The following WDPCP variants were observed in gnomAD, a reference collection of about 807,000 sequenced individuals.
WDPCP encodes WD repeat containing planar cell polarity effector.
A neutral mutation model predicts 93.1 loss-of-function variants in WDPCP; 71 were observed. The ratio of observed to expected loss-of-function variants is 0.76; its 90% CI spans 0.63 to 0.93. The LOEUF (loss-of-function observed/expected upper bound fraction) is 0.93. Among genes scored for constraint, WDPCP ranks in the 40% least tolerant of loss-of-function variants. The pLI, the probability that WDPCP is intolerant of heterozygous loss-of-function variation, is 0.00. For missense variants in WDPCP, 844 were observed against 887.4 expected, an observed-to-expected ratio of 0.95 and a Z score of 0.62; for synonymous variants, 315 against 315.0, an observed-to-expected ratio of 1.00 and a Z score of 0.00.
intron 1 of WDPCP, among the ~76,000 whole-genome samples, chr2:63,493,503 T>C (rs1460475515): frequency 6.6e-6 from 1 of 151,830 alleles, no homozygotes; most frequent in Non-Finnish European, 1.5e-5. Flanking sequence ...CAACTTAGTA[T>C]GTTAATCTGC....
chr2:63,788,957 G>C (rs927791443), intron 2 of WDPCP, among the ~76,000 whole-genome samples: 8 of 152,114 alleles, frequency 5.3e-5, no homozygotes, highest in Non-Finnish European at 1.2e-4. Flanking sequence ...ATGCTGCCCA[G>C]GTTGGTCCTG....
At chr2:63,295,038 A>G (rs1262520794) in intron 13 of WDPCP, among the ~76,000 whole-genome samples, 1 of 152,160 alleles carries the variant, frequency 6.6e-6, no homozygotes, top group African/African-American at 2.4e-5. Flanking sequence ...ATGAAGGAGC[A>G]GAGTTTTTGT....
chr2:63,606,891 C>T (rs758316774), intron 3 of WDPCP: 2 of 1,611,616 alleles, frequency 1.2e-6, no homozygotes, highest in Admixed American at 1.7e-5. Context: ...TTGAAGGTCT[C>T]CCTATTAATG....
At chr2:63,668,530 G>A (rs1194258178) in intron 2 of WDPCP, among the ~76,000 whole-genome samples, 1 of 152,114 alleles carries the variant, frequency 6.6e-6, no homozygotes, top group African/African-American at 2.4e-5. Flanking sequence ...GTAAAACAGG[G>A]TACTGACCAA....
chr2:63,568,448 AT>A (rs1707239748), intron 1 of WDPCP, among the ~76,000 whole-genome samples: 1 of 152,196 alleles, frequency 6.6e-6, no homozygotes, highest in Admixed American at 6.5e-5. Context: ...ACATAGTACT[AT>A]TTGAAACGCT....
chr2:63,792,784 A>T (rs776225525), intron 2 of WDPCP, among the ~76,000 whole-genome samples: 1 of 152,184 alleles, frequency 6.6e-6, no homozygotes, highest in African/African-American at 2.4e-5. Flanking sequence ...AAAGGAATGT[A>T]GGATCAGACC....
intron 6 of WDPCP, among the ~76,000 whole-genome samples, chr2:63,444,316 G>C (rs769869563): frequency 6.6e-6 from 1 of 152,110 alleles, no homozygotes; most frequent in Non-Finnish European, 1.5e-5. Context: ...CAATTAATAA[G>C]CTAATTAATG....
At chr2:63,702,598 G>A (rs1575751704) in intron 2 of WDPCP, among the ~76,000 whole-genome samples, 1 of 151,102 alleles carries the variant, frequency 6.6e-6, no homozygotes, top group Non-Finnish European at 1.5e-5. Flanking sequence ...GAGTGCATTG[G>A]CGCGATTTCG....
intron 3 of WDPCP, chr2:63,642,557 T>G (rs1318195918): frequency 6.6e-6 from 1 of 151,978 alleles, no homozygotes; most frequent in Non-Finnish European, 1.5e-5. Flanking sequence ...ATTTTATTTG[T>G]GGCTATTGTA....
intron 3 of WDPCP, chr2:63,622,522 G>A (rs556045459): frequency 1.6e-5 from 26 of 1,613,776 alleles, no homozygotes; most frequent in East Asian, 1.1e-4. Context: ...ACCATCAGCC[G>A]GGCGTGGTTG....
intron 13 of WDPCP, among the ~76,000 whole-genome samples, chr2:63,305,120 C>T (rs1266777812): frequency 2.6e-5 from 4 of 152,118 alleles, no homozygotes; most frequent in Non-Finnish European, 5.9e-5. Context: ...ATAAAACTCC[C>T]ACCTCCCTGG....
intron 6 of WDPCP, among the ~76,000 whole-genome samples, chr2:63,478,587 C>T (rs1700094371): frequency 6.6e-6 from 1 of 152,066 alleles, no homozygotes; most frequent in African/African-American, 2.4e-5. Flanking sequence ...ATTGTTGGGT[C>T]AACAATGAAA....
At chr2:63,210,878 C>T (rs763193356) in intron 14 of WDPCP, among the ~76,000 whole-genome samples, 149 of 152,196 alleles carry the variant, frequency 9.8e-4, no homozygotes, top group Admixed American at 2.0e-3. Flanking sequence ...AGTCTGAGAT[C>T]AAACTGCAAG....
At chr2:63,424,862 G>A (rs10209490) in intron 9 of WDPCP, among the ~76,000 whole-genome samples, 70,702 of 151,978 alleles carry the variant, frequency 0.47, 17,102 homozygotes, top group African/African-American at 0.59. Context: ...ATTGGGCGCG[G>A]TGCGAGTGAT....
chr2:63,305,819 G>C (rs1685687339), intron 13 of WDPCP, among the ~76,000 whole-genome samples: 1 of 151,970 alleles, frequency 6.6e-6, no homozygotes, highest in African/African-American at 2.4e-5. Flanking sequence ...AAAAGTTAGA[G>C]GAATTGCTAA....
intron 2 of WDPCP, among the ~76,000 whole-genome samples, chr2:63,742,365 A>G (rs1575762653): frequency 6.6e-6 from 1 of 151,986 alleles, no homozygotes; most frequent in East Asian, 1.9e-4. Context: ...GGTCCTCTTA[A>G]TTAAAGTGCC....
intron 13 of WDPCP, among the ~76,000 whole-genome samples, chr2:63,305,828 A>C (rs1685687983): frequency 6.6e-6 from 1 of 152,196 alleles, no homozygotes; most frequent in Non-Finnish European, 1.5e-5. Context: ...AGGAATTGCT[A>C]ACTAGAATAA....
intron 17 of WDPCP, among the ~76,000 whole-genome samples, chr2:63,147,478 G>C (rs1046781878): frequency 1.3e-5 from 2 of 152,178 alleles, no homozygotes; most frequent in African/African-American, 4.8e-5. Flanking sequence ...ATATGGAGGA[G>C]CAAGTTTGGA....
chr2:63,584,779 A>G (rs1708730851), intron 1 of WDPCP, among the ~76,000 whole-genome samples: 1 of 152,190 alleles, frequency 6.6e-6, no homozygotes, highest in South Asian at 2.1e-4. Context: ...TATAGAGACC[A>G]GGAAACTTGT....
Sources: allele counts gnomAD v4.1 joint callset (sites outside exome capture counted in the v4.1 genomes callset), GRCh38; gene constraint gnomAD v4.1.1; transcripts MANE v1.5; gene names NCBI Gene and HGNC (gene_info 2026-07-23, HGNC 2026-07-21).